The following ZNF136 variants were observed in gnomAD, a reference collection of about 807,000 sequenced individuals.
ZNF136 encodes zinc finger protein 136.
A neutral mutation model predicts 11.4 loss-of-function variants in ZNF136; 8 were observed. The ratio of observed to expected loss-of-function variants is 0.70; its 90% CI spans 0.41 to 1.27. The LOEUF (loss-of-function observed/expected upper bound fraction) is 1.27, where lower values mean the gene tolerates loss of function less well. ZNF136 is among the 50% of genes most tolerant of loss of function. ZNF136 has a pLI of 0.01. For synonymous variants in ZNF136, 190 were observed against 207.1 expected (o/e 0.92, Z 0.71); for missense variants, 590 against 656.5 (o/e 0.90, Z 1.11).
intron 1 of ZNF136, among the ~76,000 whole-genome samples, chr19:12,176,741 G>T (rs1914803340): frequency 6.6e-6 from 1 of 152,290 alleles, no homozygotes; most frequent in African/African-American, 2.4e-5. Flanking sequence ...CAAGAAACAA[G>T]ATATAAGTAG....
chr19:12,183,762 C>G (rs781210063), intron 1 of ZNF136, among the ~76,000 whole-genome samples: 1 of 152,112 alleles, frequency 6.6e-6, no homozygotes, highest in Non-Finnish European at 1.5e-5. Context: ...CCACTGCTGG[C>G]TAATTTTTAA....
At chr19:12,186,265 A>AGCTTCAAAT (rs767226774) in intron 3 of ZNF136, 91 bp downstream of exon 3, 5 of 1,291,934 alleles carry the variant, frequency 3.9e-6, no homozygotes, top group Non-Finnish European at 5.3e-6. Context: ...TGATAAGCCA[A>AGCTTCAAAT]GCTTCAAATT....
chr19:12,174,821 G>A (rs1181780724), intron 1 of ZNF136, among the ~76,000 whole-genome samples: 2 of 146,374 alleles, frequency 1.4e-5, no homozygotes, highest in African/African-American at 5.1e-5. Flanking sequence ...ATTTTTACTA[G>A]AGACAGGGTT....
chr19:12,178,384 C>T (rs940152811), intron 1 of ZNF136, among the ~76,000 whole-genome samples: 2 of 152,062 alleles, frequency 1.3e-5, no homozygotes, highest in Non-Finnish European at 2.9e-5. Flanking sequence ...CTGGTTTCAC[C>T]CAGAACTCTT....
Position 12,163,132 on chromosome 19 carries a change from C to G in ZNF136, c.-72C>G. 1.1e-5 allele frequency: 15 copies of G among 1,386,906 alleles called. No individual in the cohort carries two copies. Among genetic ancestry groups the G allele is most frequent in the Non-Finnish European group, 1.4e-5 (15 of 1,062,620 alleles). 85.9% of individuals were successfully genotyped at this position (1,386,906 alleles called of 1,614,324 possible). A position where few individuals can be genotyped will look rare whatever the true frequency, so the allele number is the denominator to read the frequency against. On this transcript the variant is annotated 5_prime_UTR_variant, in exon 1 of 4. Coordinates refer to ENST00000343979, the MANE Select transcript of ZNF136 (RefSeq NM_003437.5). ...AGGCCCAGAGTGGCTCGCCTGGAGT[C>G]TCTGTGGCGCGGTTTCCTGTACCTG...
chr19:12,163,272 T>C, intron 1 of ZNF136, 66 bp downstream of exon 1: 2 of 1,344,590 alleles, frequency 1.5e-6, no homozygotes, highest in Non-Finnish European at 1.9e-6. Context: ...CGGAACTGGC[T>C]GTGGCGCGGC....
chr19:12,173,453 C>G lies in ZNF136; in HGVS notation c.3+10247C>G, dbSNP rs190567711. Among the ~76,000 whole-genome samples, 915 of 152,170 alleles carry G rather than the reference C, an allele frequency of 6.0e-3. 4 individuals are homozygous for G. The highest frequency in any genetic ancestry group is 9.4e-3 in the Non-Finnish European group (636 of 68,008). On this transcript the variant is annotated intron_variant, in intron 1 of 3. Coordinates refer to ENST00000343979, the MANE Select transcript of ZNF136 (RefSeq NM_003437.5). ...TAGGGTATGGGGAGCTTCTGGACAG[C>G]TGAACTCAGGGAGTCTTGTATTATA...
At chr19:12,182,367 G>A (rs1226944715) in intron 1 of ZNF136, among the ~76,000 whole-genome samples, 1 of 152,196 alleles carries the variant, frequency 6.6e-6, no homozygotes, top group African/African-American at 2.4e-5. Context: ...TGGTCCTGGG[G>A]TTCAGAACTG....
chr19:12,186,978 G>A lies in ZNF136; in HGVS notation c.600G>A (p.Val200=). ...GATATACACCATATAAATGTAAGGT[G>A]TGTGGGAAAGCTTTTGATTATCCCA... The part of the protein sequence containing the change: ...HSGYTPYKCK[V]CGKAFDYPSR... The change falls in exon 4 of 4, where the codon GTG becomes GTA. Residue 200 remains valine, a synonymous_variant. Coordinates refer to ENST00000343979, the MANE Select transcript of ZNF136 (RefSeq NM_003437.5). 1 of 1,614,082 alleles carries A rather than the reference G, an allele frequency of 6.2e-7. No individual in the cohort carries two copies. Among genetic ancestry groups the A allele is most frequent in the Non-Finnish European group, 8.5e-7 (1 of 1,180,004 alleles).
At chr19:12,174,249 A>T (rs1213055165) in intron 1 of ZNF136, among the ~76,000 whole-genome samples, 1 of 152,176 alleles carries the variant, frequency 6.6e-6, no homozygotes, top group Non-Finnish European at 1.5e-5. Context: ...ACAGTTGGTC[A>T]CAGAAGCCTT....
intron 1 of ZNF136, among the ~76,000 whole-genome samples, chr19:12,167,599 C>G (rs897406880): frequency 6.6e-6 from 1 of 152,172 alleles, no homozygotes; most frequent in African/African-American, 2.4e-5. Context: ...GTGGCTCACG[C>G]CTGAAATCCC....
In ZNF136 at chr19:12,174,642, C is replaced by CT. The variant is rs760697645; in HGVS notation, c.4-11132dup. ...ACAACAAGCATTAATTTCTTTCTTT[C>CT]TTTTTTTTTTTGAGACGGAGTCTCG... On this transcript the variant is annotated intron_variant, in intron 1 of 3. Transcript: ENST00000343979. Among the ~76,000 whole-genome samples the CT allele has an allele frequency of 4.5e-3, 666 of 147,324 alleles. 1 individual carries two copies. The highest frequency in any genetic ancestry group is 5.9e-3 in the Non-Finnish European group (390 of 66,428).
chr19:12,174,974 A>G (rs1914754027), intron 1 of ZNF136, among the ~76,000 whole-genome samples: 1 of 149,828 alleles, frequency 6.7e-6, no homozygotes, highest in African/African-American at 2.5e-5. Context: ...CTCCTGCCTC[A>G]GCCTCCCGAG....
chr19:12,182,938 A>G (rs1283100297), intron 1 of ZNF136, among the ~76,000 whole-genome samples: 1 of 152,170 alleles, frequency 6.6e-6, no homozygotes, highest in Non-Finnish European at 1.5e-5. Context: ...TTGTTTACTT[A>G]CTTCATCATG....
chr19:12,184,541 G>C (rs1482616549), intron 1 of ZNF136: 1 of 147,220 alleles, frequency 6.8e-6, no homozygotes, highest in East Asian at 2.0e-4. Context: ...GGGCAACAGA[G>C]AGCCAGACTC....
At chr19:12,184,284 G>T (rs1423596355) in intron 1 of ZNF136, among the ~76,000 whole-genome samples, 1 of 151,862 alleles carries the variant, frequency 6.6e-6, no homozygotes, top group African/African-American at 2.4e-5. Flanking sequence ...AAGAGGGCTG[G>T]GTGTGGTGGC....
At chr19:12,171,267 C>T (rs1914647942) in intron 1 of ZNF136, among the ~76,000 whole-genome samples, 1 of 152,180 alleles carries the variant, frequency 6.6e-6, no homozygotes, top group Non-Finnish European at 1.5e-5. Context: ...GTGTGTGCCA[C>T]CGCACCTGGC....
chr19:12,186,248 A>G (rs987378776), intron 3 of ZNF136, 74 bp downstream of exon 3: 42 of 1,424,330 alleles, frequency 2.9e-5, no homozygotes, highest in Non-Finnish European at 3.9e-5. Context: ...AAACAGGCAA[A>G]CATAACTGAT....
chr19:12,175,355 T>C lies in ZNF136; in HGVS notation c.4-10430T>C, dbSNP rs187516730. Among the ~76,000 whole-genome samples, 236 of 152,080 alleles carry C rather than the reference T, an allele frequency of 1.6e-3. 2 individuals are homozygous for C. In the East Asian group the frequency reaches 0.029, roughly 19 times the overall value. On this transcript the variant is annotated intron_variant, in intron 1 of 3. Transcript: ENST00000343979. ...GATTACAGGCCTGCATCATCACACC[T>C]GGCTAATTTTTGTATTTTTAGTAGA...
Sources: gnomAD v4.1 joint callset for allele counts (sites outside exome capture counted in the v4.1 genomes callset) on GRCh38, gnomAD v4.1.1 for gene constraint, MANE v1.5 for transcripts, NCBI Gene and HGNC (gene_info 2026-07-23, HGNC 2026-07-21) for gene names.